HPSE2: variants seen among roughly 807,000 people sequenced by gnomAD.
HPSE2 encodes inactive heparanase-2.
A neutral mutation model predicts 60.5 loss-of-function variants in HPSE2; 38 were observed. The observed-to-expected ratio is 0.63, with a 90% confidence interval of 0.48 to 0.82. HPSE2 has a LOEUF of 0.82. Among genes scored for constraint, HPSE2 ranks in the 40% least tolerant of loss-of-function variants. The pLI is 0.00. For synonymous variants in HPSE2, 295 were observed against 293.2 expected (o/e 1.01, Z -0.06); for missense variants, 713 against 740.4 (o/e 0.96, Z 0.43).
intron 9 of HPSE2, among the ~76,000 whole-genome samples, chr10:98,576,079 A>G (rs1944632215): frequency 6.6e-6 from 1 of 152,190 alleles, no homozygotes; most frequent in Non-Finnish European, 1.5e-5. Context: ...TTTACTGAAG[A>G]AATATATGTA....
chr10:98,703,065 A>G (rs1249681973), intron 5 of HPSE2, among the ~76,000 whole-genome samples: 2 of 152,172 alleles, frequency 1.3e-5, no homozygotes, highest in Admixed American at 6.5e-5. Context: ...GAAAAGAGAG[A>G]AGAATCAAAC....
the HPSE2 span, among the ~76,000 whole-genome samples, chr10:99,296,920 CATCG>C: frequency 2.0e-5 from 3 of 152,222 alleles, no homozygotes; most frequent in South Asian, 6.2e-4. Flanking sequence ...GGAAGGCAAT[CATCG>C]ATGGGAGGGC....
chr10:99,093,726 C>T (rs1843599659), intron 3 of HPSE2, among the ~76,000 whole-genome samples: 1 of 152,178 alleles, frequency 6.6e-6, no homozygotes. Context: ...TCCCATTAAG[C>T]ATCACTTCCC....
At chr10:99,286,321 G>A in the HPSE2 span, among the ~76,000 whole-genome samples, 5 of 152,128 alleles carry the variant, frequency 3.3e-5, no homozygotes, top group East Asian at 1.9e-4. Context: ...TATGATCCAC[G>A]TTGTCTATCA....
intron 6 of HPSE2, among the ~76,000 whole-genome samples, chr10:98,662,379 A>G (rs944614333): frequency 6.6e-6 from 1 of 152,238 alleles, no homozygotes; most frequent in Admixed American, 6.5e-5. Context: ...GAAGCCATAA[A>G]AAAGAATGAG....
intron 10 of HPSE2, 90 bp downstream of exon 10, chr10:98,489,961 A>T: frequency 6.7e-7 from 1 of 1,486,468 alleles, no homozygotes; most frequent in Non-Finnish European, 9.4e-7. Context: ...TGATAAGATT[A>T]GTGAATGGAG....
chr10:99,198,216 G>A (rs751463250), intron 2 of HPSE2, among the ~76,000 whole-genome samples: 3 of 152,148 alleles, frequency 2.0e-5, no homozygotes, highest in Non-Finnish European at 4.4e-5. Context: ...CAACTCACAC[G>A]TTTCTGAATC....
chr10:98,647,171 C>G (rs1334127718), intron 6 of HPSE2, among the ~76,000 whole-genome samples: 1 of 152,176 alleles, frequency 6.6e-6, no homozygotes, highest in African/African-American at 2.4e-5. Flanking sequence ...TCCTTCCTGT[C>G]TCTGTCAGCC....
chr10:98,824,625 GAGAA>G, intron 3 of HPSE2, among the ~76,000 whole-genome samples: 1 of 152,272 alleles, frequency 6.6e-6, no homozygotes, highest in Non-Finnish European at 1.5e-5. Flanking sequence ...CTATAACCTG[GAGAA>G]AGATTTAGTT....
In HPSE2 at chr10:99,117,457, AATAG is replaced by A. The variant is rs534284314; in HGVS notation, c.610+26777_610+26780del. Among the ~76,000 whole-genome samples, 27 of 145,946 alleles carry A rather than the reference AATAG, an allele frequency of 1.8e-4. 1 individual carries two copies. Among genetic ancestry groups the A allele is most frequent in the Admixed American group, 1.2e-3 (18 of 14,590 alleles). On this transcript the variant is annotated intron_variant, in intron 3 of 11. Transcript: ENST00000370552. ...AAAAAAAAAAAAAAAAAACTAATAAAATAGATAGAACTCTAGCTAGACAAATAAA... is the reference window on the plus strand; with the variant it reads ...AAAAAAAAAAAAAAAAAACTAATAAAATAGAACTCTAGCTAGACAAATAAA...
At chr10:99,304,936 C>A in the HPSE2 span, among the ~76,000 whole-genome samples, 2 of 152,290 alleles carry the variant, frequency 1.3e-5, no homozygotes, top group Non-Finnish European at 2.9e-5. Context: ...TTTAGAAAAG[C>A]AGAATGGAAT....
At chr10:99,188,245 G>A (rs1848099926) in intron 2 of HPSE2, among the ~76,000 whole-genome samples, 1 of 152,154 alleles carries the variant, frequency 6.6e-6, no homozygotes, top group African/African-American at 2.4e-5. Context: ...CAACTATAAT[G>A]ACAGAAAGCA....
At chr10:98,527,688 T>C (rs1293770955) in intron 9 of HPSE2, among the ~76,000 whole-genome samples, 2 of 152,234 alleles carry the variant, frequency 1.3e-5, no homozygotes. Context: ...GCCTCTGCCC[T>C]AGATCGACTC....
chr10:99,185,155 T>G (rs1847956586), intron 2 of HPSE2, among the ~76,000 whole-genome samples: 1 of 151,190 alleles, frequency 6.6e-6, no homozygotes, highest in Admixed American at 6.6e-5. Flanking sequence ...CAAAAAAAAA[T>G]TAGCCAGGTG....
In HPSE2 at chr10:98,675,443, A is replaced by G. The variant is rs566692190; in HGVS notation, c.1004+18457T>C. Among the ~76,000 whole-genome samples the G allele has an allele frequency of 3.3e-5, 5 of 152,100 alleles. No homozygotes were observed. The East Asian group carries it at 9.7e-4, about 29-fold the overall frequency. ...CAAGGGGCTGGACACAGTGGCTCAC[A>G]CCTGTAATCCCAGCACAGGAGGGAG... On this transcript the variant is annotated intron_variant, in intron 6 of 11. Transcript: ENST00000370552.
At chr10:98,657,455 C>T (rs557855430) in intron 6 of HPSE2, among the ~76,000 whole-genome samples, 45 of 152,110 alleles carry the variant, frequency 3.0e-4, no homozygotes, top group Middle Eastern at 3.2e-3. Context: ...TTCAACACCC[C>T]CCGCCCCAGT....
intron 3 of HPSE2, among the ~76,000 whole-genome samples, chr10:99,063,824 G>A (rs1441897514): frequency 2.0e-5 from 3 of 152,158 alleles, no homozygotes; most frequent in Admixed American, 6.5e-5. Context: ...CGGGCGCAGT[G>A]GCTTACACCT....
chr10:99,304,774 T>C, the HPSE2 span, among the ~76,000 whole-genome samples: 1 of 152,158 alleles, frequency 6.6e-6, no homozygotes, highest in Non-Finnish European at 1.5e-5. Context: ...GATCTGGAAT[T>C]GGGCCAAGCA....
the HPSE2 span, among the ~76,000 whole-genome samples, chr10:99,278,708 C>G: frequency 3.3e-5 from 5 of 152,192 alleles, no homozygotes; most frequent in African/African-American, 1.2e-4. Flanking sequence ...ATCCCAGTTC[C>G]ACTAAACTTA....
Sources: gnomAD v4.1 joint callset for allele counts (sites outside exome capture counted in the v4.1 genomes callset) on GRCh38, gnomAD v4.1.1 for gene constraint, MANE v1.5 for transcripts, NCBI Gene and HGNC (gene_info 2026-07-23, HGNC 2026-07-21) for gene names.